Variants in DGKB observed in about 807,000 individuals in gnomAD.
DGKB encodes diacylglycerol kinase beta.
A neutral mutation model predicts 114.3 loss-of-function variants in DGKB; 67 were observed. The ratio of observed to expected loss-of-function variants is 0.59; its 90% CI spans 0.48 to 0.72. DGKB has a LOEUF of 0.72. DGKB is among the 30% of genes least tolerant of loss of function. The pLI is 0.00. For missense variants in DGKB, 907 were observed against 975.2 expected (o/e 0.93, Z 0.93); for synonymous variants, 398 against 323.1 (o/e 1.23, Z -2.49).
chr7:14,386,516 G>A (rs963394992), intron 21 of DGKB, among the ~76,000 whole-genome samples: 1 of 152,140 alleles, frequency 6.6e-6, no homozygotes, highest in Non-Finnish European at 1.5e-5. Flanking sequence ...GCAGCGATAA[G>A]GTAATTTTTG....
chr7:14,689,327 C>T (rs958441717), intron 9 of DGKB, among the ~76,000 whole-genome samples: 1 of 151,268 alleles, frequency 6.6e-6, no homozygotes. Flanking sequence ...TGCCTTCACC[C>T]ACTGCGCCCG....
chr7:14,718,041 A>C (rs1828508503), intron 6 of DGKB, among the ~76,000 whole-genome samples: 1 of 152,214 alleles, frequency 6.6e-6, no homozygotes, highest in African/African-American at 2.4e-5. Flanking sequence ...TCCAGAATCA[A>C]ATACTATAAA....
chr7:14,613,459 A>G (rs1198749321), intron 15 of DGKB, 46 bp from the exon 16 acceptor site: 2 of 1,010,586 alleles, frequency 2.0e-6, no homozygotes, highest in South Asian at 1.5e-5. Context: ...GGCCCATTAT[A>G]TATGAAGAAG....
At chr7:14,671,000 T>A (rs111789554) in intron 13 of DGKB, among the ~76,000 whole-genome samples, 74 of 152,296 alleles carry the variant, frequency 4.9e-4, no homozygotes, top group African/African-American at 1.8e-3. Flanking sequence ...GAGCTATAAT[T>A]ATTGCAGTAG....
At chr7:14,264,955 CT>C (rs1358997214) in intron 23 of DGKB, among the ~76,000 whole-genome samples, 1 of 152,130 alleles carries the variant, frequency 6.6e-6, no homozygotes, top group African/African-American at 2.4e-5. Flanking sequence ...AGAAGTAGGG[CT>C]TTGCTGTAAC....
intron 25 of DGKB, among the ~76,000 whole-genome samples, chr7:14,161,185 A>T (rs1783828123): frequency 6.6e-6 from 1 of 152,224 alleles, no homozygotes; most frequent in Admixed American, 6.5e-5. Flanking sequence ...GAGGATATGG[A>T]GAAATAGGAA....
rs185398499 is a variant in DGKB at position 14,333,158 on chromosome 7, A to G, written c.2122+5357T>C. Among the ~76,000 whole-genome samples, 381 of 152,226 alleles carry G rather than the reference A, an allele frequency of 2.5e-3. 1 individual carries two copies. Among genetic ancestry groups the G allele is most frequent in the African/African-American group, 8.6e-3 (359 of 41,554 alleles). On this transcript the variant is annotated intron_variant, in intron 23 of 25. Transcript: ENST00000402815. The stretch of plus-strand genomic sequence containing the variant: ...GAAGTTCTAATTGCTAACACTCTCA[A>G]CACAATCAATCAGTGAGAGGCCGGG...
chr7:14,934,153 G>A (rs1186932581), intron 1 of DGKB, among the ~76,000 whole-genome samples: 1 of 152,130 alleles, frequency 6.6e-6, no homozygotes, highest in African/African-American at 2.4e-5. Flanking sequence ...CAAGATTTCA[G>A]TGCTTAAACC....
intron 9 of DGKB, among the ~76,000 whole-genome samples, chr7:14,691,282 C>T (rs534043153): frequency 6.6e-6 from 1 of 152,214 alleles, no homozygotes; most frequent in African/African-American, 2.4e-5. Flanking sequence ...TTACATGCAC[C>T]ATCAATTAGA....
At chr7:14,747,766 C>T (rs928801162) in intron 4 of DGKB, among the ~76,000 whole-genome samples, 6 of 146,874 alleles carry the variant, frequency 4.1e-5, no homozygotes, top group Admixed American at 2.7e-4. Context: ...GGCTCAAACA[C>T]ATCCACGCGC....
Position 14,798,466 on chromosome 7 carries a change from T to C in DGKB, c.71-40735A>G, listed in dbSNP as rs140678742. The stretch of plus-strand genomic sequence containing the variant: ...CACCACCTGGCCTTTTGAGTTCTTA[T>C]ATTTTGTAAACCTCCTTTACATGTT... On this transcript the variant is annotated intron_variant, in intron 2 of 25. Transcript: ENST00000402815. Among the ~76,000 whole-genome samples, 345 of 152,246 alleles carry C rather than the reference T, an allele frequency of 2.3e-3. 5 individuals are homozygous for C. Among genetic ancestry groups the C allele is most frequent in the East Asian group, 0.016 (85 of 5,178 alleles).
intron 4 of DGKB, among the ~76,000 whole-genome samples, chr7:14,747,790 C>T (rs1432148576): frequency 2.6e-5 from 4 of 152,092 alleles, no homozygotes; most frequent in Non-Finnish European, 5.9e-5. Context: ...CACACACACA[C>T]ACACACACAC....
intron 5 of DGKB, 47 bp from the exon 6 acceptor site, chr7:14,718,732 C>G: frequency 7.2e-7 from 1 of 1,388,648 alleles, no homozygotes; most frequent in Non-Finnish European, 1.0e-6. Context: ...TTACAGTGAT[C>G]TCAAACAGAA....
intron 6 of DGKB, among the ~76,000 whole-genome samples, chr7:14,712,371 G>T (rs776067890): frequency 2.0e-5 from 3 of 152,096 alleles, no homozygotes; most frequent in Non-Finnish European, 2.9e-5. Flanking sequence ...AATGAAGAAC[G>T]CAAGTTTATG....
At chr7:14,199,685 C>T (rs1785543150) in intron 23 of DGKB, among the ~76,000 whole-genome samples, 1 of 152,000 alleles carries the variant, frequency 6.6e-6, no homozygotes, top group South Asian at 2.1e-4. Context: ...CAAAGCTTCA[C>T]TATAACTGGG....
chr7:14,801,876 A>ATG (rs747523350), intron 2 of DGKB, among the ~76,000 whole-genome samples: 4 of 151,356 alleles, frequency 2.6e-5, no homozygotes, highest in Non-Finnish European at 4.4e-5. Flanking sequence ...ATATATACAT[A>ATG]TGTGTGTGTG....
intron 2 of DGKB, among the ~76,000 whole-genome samples, chr7:14,833,421 T>C (rs936468586): frequency 6.6e-6 from 1 of 152,136 alleles, no homozygotes; most frequent in Admixed American, 6.6e-5. Context: ...TTTATGTTTG[T>C]GTTTTTATGA....
chr7:14,511,897 C>T (rs891283333), intron 20 of DGKB, among the ~76,000 whole-genome samples: 2 of 152,028 alleles, frequency 1.3e-5, no homozygotes, highest in East Asian at 3.9e-4. Context: ...CAGCAGTCAG[C>T]GAAGAAGTCA....
intron 2 of DGKB, among the ~76,000 whole-genome samples, chr7:14,802,137 G>A (rs1313194194): frequency 3.3e-5 from 5 of 152,008 alleles, no homozygotes; most frequent in Non-Finnish European, 7.4e-5. Context: ...TTTAAATTAA[G>A]AGTGGGCTTA....
Sources: gnomAD v4.1 joint callset for allele counts (sites outside exome capture counted in the v4.1 genomes callset) on GRCh38, gnomAD v4.1.1 for gene constraint, MANE v1.5 for transcripts, NCBI Gene and HGNC (gene_info 2026-07-23, HGNC 2026-07-21) for gene names.